The following PARVA variants were observed in gnomAD, a reference collection of about 807,000 sequenced individuals.
The protein encoded by PARVA is alpha-parvin.
In PARVA, 25 loss-of-function variants were observed where a neutral mutation model predicts 52.6. That is an observed-to-expected ratio of 0.48 (90% CI 0.35 to 0.66). PARVA has a LOEUF of 0.66. PARVA is among the 30% of genes least tolerant of loss of function. PARVA has a pLI of 0.01. For missense variants in PARVA, 373 were observed against 450.9 expected, an observed-to-expected ratio of 0.83 and a Z score of 1.56; for synonymous variants, 185 against 179.1, an observed-to-expected ratio of 1.03 and a Z score of -0.26.
At chr11:12,406,925 T>C (rs1009678008) in intron 1 of PARVA, among the ~76,000 whole-genome samples, 21 of 152,046 alleles carry the variant, frequency 1.4e-4, no homozygotes, top group African/African-American at 4.8e-4. Flanking sequence ...CTGCCTCGGC[T>C]TCCCAAAGTG....
intron 1 of PARVA, among the ~76,000 whole-genome samples, chr11:12,415,032 C>G (rs1341079201): frequency 6.6e-6 from 1 of 152,208 alleles, no homozygotes; most frequent in Middle Eastern, 3.2e-3. Flanking sequence ...AGCCTGGGCA[C>G]TGGTGGGCTG....
chr11:12,378,013 C>T lies in PARVA; in HGVS notation c.136+230C>T, dbSNP rs866879081. On this transcript the variant is annotated intron_variant, in intron 1 of 12. Coordinates refer to ENST00000334956, the MANE Select transcript of PARVA (RefSeq NM_018222.5). ...AGGCCACCCCGCCCGCTCGCGGTCG[C>T]CCGGGCGCTGCCCTCCTGGGCCGGG... Among the ~76,000 whole-genome samples, 26 of 148,988 alleles carry T rather than the reference C, an allele frequency of 1.7e-4. 1 individual carries two copies. The Middle Eastern group carries it at 0.01, about 59-fold the overall frequency.
intron 1 of PARVA, among the ~76,000 whole-genome samples, chr11:12,464,124 C>G (rs954837592): frequency 1.3e-5 from 2 of 152,066 alleles, no homozygotes; most frequent in Non-Finnish European, 2.9e-5. Flanking sequence ...AACATCTGGG[C>G]TCTATGTACA....
chr11:12,501,967 C>A (rs1251514800), intron 5 of PARVA, among the ~76,000 whole-genome samples: 2 of 152,120 alleles, frequency 1.3e-5, no homozygotes, highest in Admixed American at 1.3e-4. Context: ...TTCTTACAAC[C>A]CTCAGTGACG....
Position 12,473,935 on chromosome 11 carries a change from G to A in PARVA, c.249G>A (p.Met83Ile). 6.3e-7 allele frequency: 1 copy of A among 1,582,780 alleles called. No individual in the cohort carries two copies. The highest frequency in any genetic ancestry group is 8.6e-7 in the Non-Finnish European group (1 of 1,164,440). ...AAGAGGAGAATGAGGTGCGAACAAT[G>A]GTGGATCCAAACTCACGCAGTGACC... is the stretch of plus-strand genomic sequence containing the variant. ...TMLEENEVRT[M>I]VDPNSRSDPK... The change falls in exon 3 of 13, where the codon ATG (methionine) becomes ATA (isoleucine). Residue 83 changes from methionine to isoleucine, a missense_variant. By Grantham distance (10) the Met-to-Ile change is conservative. Coordinates refer to ENST00000334956, the MANE Select transcript of PARVA (RefSeq NM_018222.5).
intron 4 of PARVA, among the ~76,000 whole-genome samples, chr11:12,488,158 A>G (rs1295804211): frequency 6.6e-6 from 1 of 152,224 alleles, no homozygotes; most frequent in Non-Finnish European, 1.5e-5. Flanking sequence ...TAAATAGTGA[A>G]ATATCAGAGA....
intron 1 of PARVA, among the ~76,000 whole-genome samples, chr11:12,429,984 T>C (rs1227490177): frequency 6.6e-6 from 1 of 152,244 alleles, no homozygotes; most frequent in Non-Finnish European, 1.5e-5. Context: ...CATGATATAA[T>C]GACTACAGAC....
At chr11:12,519,032 C>T (rs567994883) in intron 12 of PARVA, among the ~76,000 whole-genome samples, 2 of 152,238 alleles carry the variant, frequency 1.3e-5, no homozygotes, top group African/African-American at 4.8e-5. Flanking sequence ...TTCTGCAGCC[C>T]CTGCATACTC....
At chr11:12,494,124 T>C (rs1417225656) in intron 4 of PARVA, among the ~76,000 whole-genome samples, 1 of 152,210 alleles carries the variant, frequency 6.6e-6, no homozygotes, top group African/African-American at 2.4e-5. Context: ...AAGAGATGCA[T>C]AGGGCATGGT....
At chr11:12,526,511 A>C (rs897106853) in intron 12 of PARVA, among the ~76,000 whole-genome samples, 2 of 152,330 alleles carry the variant, frequency 1.3e-5, no homozygotes, top group Middle Eastern at 3.4e-3. Flanking sequence ...AAGGTGCATG[A>C]AACATAAATG....
intron 1 of PARVA, among the ~76,000 whole-genome samples, chr11:12,459,003 A>G (rs1052139808): frequency 6.6e-6 from 1 of 152,182 alleles, no homozygotes; most frequent in East Asian, 1.9e-4. Context: ...CCTGCTTTCA[A>G]GCAACTCCAA....
At chr11:12,389,300 C>G (rs150200701) in intron 1 of PARVA, among the ~76,000 whole-genome samples, 1 of 152,272 alleles carries the variant, frequency 6.6e-6, no homozygotes, top group East Asian at 1.9e-4. Context: ...TCCCTTCTGT[C>G]AGAGCCCAGA....
chr11:12,474,255 T>G (rs1409489254), intron 3 of PARVA, among the ~76,000 whole-genome samples: 1 of 152,010 alleles, frequency 6.6e-6, no homozygotes, highest in Non-Finnish European at 1.5e-5. Context: ...GATTCCAGAG[T>G]GCACAAAATG....
chr11:12,429,887 C>A (rs1940292002), intron 1 of PARVA, among the ~76,000 whole-genome samples: 1 of 152,172 alleles, frequency 6.6e-6, no homozygotes, highest in Non-Finnish European at 1.5e-5. Flanking sequence ...AGTATAACTT[C>A]ATTCACCAAT....
chr11:12,387,585 T>C (rs549135682), intron 1 of PARVA, among the ~76,000 whole-genome samples: 1 of 152,076 alleles, frequency 6.6e-6, no homozygotes, highest in Admixed American at 6.5e-5. Context: ...ATGTAGCTTA[T>C]GAAAATGCCT....
intron 1 of PARVA, among the ~76,000 whole-genome samples, chr11:12,390,384 G>A (rs1939642237): frequency 6.6e-6 from 1 of 152,192 alleles, no homozygotes; most frequent in Admixed American, 6.5e-5. Flanking sequence ...GTCTGTTGAG[G>A]TGGGCAGTGA....
intron 1 of PARVA, among the ~76,000 whole-genome samples, chr11:12,381,164 T>C (rs181847644): frequency 3.1e-4 from 47 of 152,296 alleles, no homozygotes; most frequent in Non-Finnish European, 1.3e-4. Context: ...TGACTGTCCT[T>C]AGTGAGTATG....
At chr11:12,380,116 T>C (rs753148009) in intron 1 of PARVA, among the ~76,000 whole-genome samples, 2 of 152,196 alleles carry the variant, frequency 1.3e-5, no homozygotes, top group Admixed American at 6.5e-5. Context: ...ACATCCTCTA[T>C]TCCTCACAGA....
chr11:12,379,379 G>T (rs562826623), intron 1 of PARVA, among the ~76,000 whole-genome samples: 1 of 152,026 alleles, frequency 6.6e-6, no homozygotes, highest in Admixed American at 6.6e-5. Context: ...CACATGCCTC[G>T]GACAAAATCA....
Sources: gnomAD v4.1 joint callset for allele counts (sites outside exome capture counted in the v4.1 genomes callset) on GRCh38, gnomAD v4.1.1 for gene constraint, MANE v1.5 for transcripts, NCBI Gene and HGNC (gene_info 2026-07-23, HGNC 2026-07-21) for gene names.